The following SEPTIN9 variants were observed in gnomAD, a reference collection of about 807,000 sequenced individuals.
The protein encoded by SEPTIN9 is septin-9.
Under a neutral mutation model 56.6 loss-of-function variants are expected in SEPTIN9, and 13 were observed. That is an observed-to-expected ratio of 0.23 (90% CI 0.15 to 0.37). The LOEUF is 0.37. Ranked by LOEUF, SEPTIN9 falls within the 10% of genes least tolerant of loss-of-function variation. SEPTIN9 has a pLI of 1.00. For missense variants in SEPTIN9, 650 were observed against 823.1 expected (o/e 0.79, Z 2.57); for synonymous variants, 332 against 334.1 (o/e 0.99, Z 0.07).
chr17:77,459,319 A>G (rs533347708), intron 3 of SEPTIN9, among the ~76,000 whole-genome samples: 3 of 152,188 alleles, frequency 2.0e-5, no homozygotes, highest in Non-Finnish European at 4.4e-5. Context: ...CCTGGCACCA[A>G]CAGCCACCTC....
chr17:77,300,693 CCCCAGGCTCAAACCGCCCCCA>C (rs2031998872), intron 1 of SEPTIN9, among the ~76,000 whole-genome samples: 1 of 143,464 alleles, frequency 7.0e-6, no homozygotes, highest in African/African-American at 2.8e-5. Flanking sequence ...GACGCCCCCA[CCCCAGGCTCAAACCGCCCCCA>C]CCCCAGGCTC....
At chr17:77,396,019 G>T (rs1406831161) in intron 2 of SEPTIN9, among the ~76,000 whole-genome samples, 1 of 152,192 alleles carries the variant, frequency 6.6e-6, no homozygotes, top group East Asian at 1.9e-4. Context: ...GAGATCGGTG[G>T]GGATTGGAGA....
intron 1 of SEPTIN9, among the ~76,000 whole-genome samples, chr17:77,302,459 C>T (rs982603517): frequency 1.3e-5 from 2 of 152,120 alleles, no homozygotes; most frequent in Non-Finnish European, 2.9e-5. Flanking sequence ...GTGGGAGGAT[C>T]ACAAGGTCAG....
intron 3 of SEPTIN9, among the ~76,000 whole-genome samples, chr17:77,420,658 C>G (rs2036667642): frequency 1.3e-5 from 2 of 152,168 alleles, no homozygotes; most frequent in Non-Finnish European, 2.9e-5. Context: ...GCCCCTGCTC[C>G]TCTGTCCCCC....
At chr17:77,345,885 A>T (rs1254491087) in intron 2 of SEPTIN9, among the ~76,000 whole-genome samples, 1 of 152,138 alleles carries the variant, frequency 6.6e-6, no homozygotes, top group Admixed American at 6.5e-5. Context: ...GTTAAGAGGC[A>T]ATACATGGGT....
In SEPTIN9 at chr17:77,327,955, C is replaced by T. The variant is rs1033187255; in HGVS notation, c.76+20758C>T. Among the ~76,000 whole-genome samples the T allele has an allele frequency of 2.0e-5, 3 of 151,980 alleles. No individual in the cohort carries two copies. The highest frequency in any genetic ancestry group is 2.4e-5 in the African/African-American group (1 of 41,346). ...GGCATCCCGATGCTCAGAGTTTCCC[C>T]GTGCCCAGTGTGTCCCTGTATCCAG... On this transcript the variant is annotated intron_variant, in intron 2 of 11. Coordinates refer to ENST00000427177, the MANE Select transcript of SEPTIN9 (RefSeq NM_001113491.2). This position sits in a 1 kb window ranked among gnomAD's most constrained non-coding sequence, Gnocchi z 5.0.
Position 77,487,307 on chromosome 17 carries a change from C to T in SEPTIN9, c.914-117C>T, listed in dbSNP as rs528343339. On this transcript the variant is annotated intron_variant, in intron 4 of 11. Coordinates refer to ENST00000427177, the MANE Select transcript of SEPTIN9 (RefSeq NM_001113491.2). This position sits in a 1 kb window ranked among gnomAD's most constrained non-coding sequence, Gnocchi z 4.3. ...GCAGGGATATTGCCGGGAGGTAGCC[C>T]AGGCACTGCTGAATCTCAGACTGGA... The T allele has an allele frequency of 5.2e-6, 6 of 1,154,392 alleles. No homozygotes were observed. The African/African-American group carries it at 7.7e-5, about 15-fold the overall frequency. The allele number at this position is 1,154,392 out of a possible 1,614,324, so 71.5% of individuals were successfully genotyped here. A position where few individuals can be genotyped will look rare whatever the true frequency, so the allele number is the denominator to read the frequency against.
chr17:77,343,270 T>C (rs1568004075), intron 2 of SEPTIN9, among the ~76,000 whole-genome samples: 1 of 152,120 alleles, frequency 6.6e-6, no homozygotes, highest in African/African-American at 2.4e-5. Context: ...GAAGGTTGAG[T>C]TGATCATCAA....
rs531987004 is a variant in SEPTIN9, at chr17:77,348,304, T to A, written c.76+41107T>A. Among the ~76,000 whole-genome samples the A allele has an allele frequency of 7.3e-4, 106 of 144,372 alleles. 2 individuals carry two copies. In the South Asian group the frequency reaches 0.017, roughly 23 times the overall value. The allele number at this position is 144,372 out of a possible 152,430, so 94.7% of individuals were successfully genotyped here. ...TCTATTTTAATTTATGTTTTTTTTT[T>A]TTTTTTTTTTTTAAGACAGAGTCTC... On this transcript the variant is annotated intron_variant, in intron 2 of 11. Coordinates refer to ENST00000427177, the MANE Select transcript of SEPTIN9 (RefSeq NM_001113491.2).
intron 3 of SEPTIN9, among the ~76,000 whole-genome samples, chr17:77,438,630 G>A (rs1424588725): frequency 6.6e-6 from 1 of 152,206 alleles, no homozygotes; most frequent in Non-Finnish European, 1.5e-5. Flanking sequence ...AAGAAATGCA[G>A]GTGAACAGAA....
intron 10 of SEPTIN9, among the ~76,000 whole-genome samples, chr17:77,494,205 A>G (rs111538517): frequency 8.3e-4 from 126 of 152,344 alleles, no homozygotes; most frequent in African/African-American, 2.9e-3. Flanking sequence ...GGTCACAATC[A>G]TGGGTTCCAA....
intron 1 of SEPTIN9, 21 bp downstream of exon 1, chr17:77,281,575 G>T: frequency 6.5e-7 from 1 of 1,536,130 alleles, no homozygotes; most frequent in Non-Finnish European, 8.8e-7. Flanking sequence ...CGCCCGGGGT[G>T]GGGAGGGGTC....
chr17:77,490,960 A>T (rs1333633430), intron 8 of SEPTIN9, 101 bp downstream of exon 8: 1 of 935,900 alleles, frequency 1.1e-6, no homozygotes, highest in Non-Finnish European at 1.7e-6. Flanking sequence ...ACTGTCAGGG[A>T]GACCGAACCG....
Position 77,397,480 on chromosome 17 carries a change from G to T in SEPTIN9, c.77-4579G>T, listed in dbSNP as rs116180921. Among the ~76,000 whole-genome samples, 903 of 152,198 alleles carry T rather than the reference G, an allele frequency of 5.9e-3. 13 individuals are homozygous for T. The highest frequency in any genetic ancestry group is 0.021 in the African/African-American group (860 of 41,506). ...CCTTTTTCCAAATAAGGTCACATTC[G>T]TGGGTTCTTGGGGTTAGGTATTAGA... On this transcript the variant is annotated intron_variant, in intron 2 of 11. Transcript: ENST00000427177.
chr17:77,284,543 G>A (rs1598459718), intron 1 of SEPTIN9, among the ~76,000 whole-genome samples: 1 of 152,242 alleles, frequency 6.6e-6, no homozygotes, highest in Non-Finnish European at 1.5e-5. Context: ...TCACCAGGCT[G>A]CGCCTCTCCC....
Position 77,394,618 on chromosome 17 carries a change from C to G in SEPTIN9, c.77-7441C>G, listed in dbSNP as rs574748398. ...CATGAGATTATTCTGACCTTGGGCT[C>G]TACCATTTCTTTGCATGACATTTGT... On this transcript the variant is annotated intron_variant, in intron 2 of 11. Transcript: ENST00000427177. Among the ~76,000 whole-genome samples the G allele has an allele frequency of 4.6e-5, 7 of 152,348 alleles. No homozygotes were observed. The East Asian group carries it at 1.3e-3, about 29-fold the overall frequency.
intron 4 of SEPTIN9, chr17:77,482,592 CTGGAGCAGGTCCTGA>C (rs761794110): frequency 1.5e-6 from 1 of 676,936 alleles, no homozygotes; most frequent in Non-Finnish European, 2.7e-6. Context: ...CCAGGCCGGC[CTGGAGCAGGTCCTGA>C]TGAGTGGTCG....
rs182682443 is a variant in SEPTIN9 at position 77,433,288 on chromosome 17, C to T, written c.721+30585C>T. Reference sequence around the variant, plus strand: ...CCCTTCCTGTGAGCCTAGGGAGCCCCTCCATGCAGCCCCTTCACTGGCCAT... The same window carrying T: ...CCCTTCCTGTGAGCCTAGGGAGCCCTTCCATGCAGCCCCTTCACTGGCCAT... On this transcript the variant is annotated intron_variant, in intron 3 of 11. Transcript: ENST00000427177. This position sits in a 1 kb window ranked among gnomAD's most constrained non-coding sequence, Gnocchi z 6.4. Among the ~76,000 whole-genome samples, 581 of 152,272 alleles carry T rather than the reference C, an allele frequency of 3.8e-3. 7 individuals are homozygous for T. The highest frequency in any genetic ancestry group is 0.013 in the African/African-American group (556 of 41,564).
chr17:77,478,049 G>A (rs546506872), intron 3 of SEPTIN9, among the ~76,000 whole-genome samples: 63 of 152,062 alleles, frequency 4.1e-4, no homozygotes, highest in Middle Eastern at 3.4e-3. Flanking sequence ...TATCATACAA[G>A]CAGGAGTGTG....
Sources: allele counts gnomAD v4.1 joint callset (sites outside exome capture counted in the v4.1 genomes callset), GRCh38; gene constraint gnomAD v4.1.1; non-coding constraint Gnocchi (gnomAD v3.1); transcripts MANE v1.5; gene names NCBI Gene and HGNC (gene_info 2026-07-23, HGNC 2026-07-21).